The following FOCAD variants were observed in gnomAD, a reference collection of about 807,000 sequenced individuals.
FOCAD encodes KIAA1797.
Under a neutral mutation model 225.6 loss-of-function variants are expected in FOCAD, and 198 were observed. That is an observed-to-expected ratio of 0.88 (90% confidence interval 0.78 to 0.99). The LOEUF is 0.99. FOCAD is among the 50% of genes least tolerant of loss of function. The pLI, the probability that FOCAD is intolerant of heterozygous loss-of-function variation, is 0.00. For synonymous variants in FOCAD, 897 were observed against 755.0 expected (o/e 1.19, Z -3.08); for missense variants, 2,713 against 2,123.6 (o/e 1.28, Z -5.46).
At chr9:20,727,020 G>C (rs1158349009) in intron 4 of FOCAD, among the ~76,000 whole-genome samples, 1 of 152,038 alleles carries the variant, frequency 6.6e-6, no homozygotes. Context: ...ATTTGATGTG[G>C]TTTCAAGGTT....
At chr9:20,676,411 T>C (rs1268343418) in intron 2 of FOCAD, among the ~76,000 whole-genome samples, 1 of 152,256 alleles carries the variant, frequency 6.6e-6, no homozygotes, top group Non-Finnish European at 1.5e-5. Context: ...ATTACTGTTA[T>C]TGAACATGAG....
chr9:20,937,118 A>C (rs999899842), intron 28 of FOCAD, among the ~76,000 whole-genome samples: 20 of 150,892 alleles, frequency 1.3e-4, no homozygotes, highest in Admixed American at 6.6e-5. Context: ...GCTCATGGGT[A>C]GGAAGAATCA....
chr9:20,920,132 C>G (rs960602100), intron 24 of FOCAD, among the ~76,000 whole-genome samples: 7 of 152,096 alleles, frequency 4.6e-5, no homozygotes, highest in African/African-American at 9.7e-5. Context: ...AACAGACAAC[C>G]CCATCAACAA....
rs192755533 is a variant in FOCAD at position 20,978,110 on chromosome 9, C to G, written c.4262-229C>G. Among the ~76,000 whole-genome samples the G allele has an allele frequency of 2.5e-3, 384 of 152,260 alleles. 1 individual carries two copies. The highest frequency in any genetic ancestry group is 0.017 in the Middle Eastern group (5 of 294). On this transcript the variant is annotated intron_variant, in intron 36 of 43. Coordinates refer to ENST00000338382, the MANE Select transcript of FOCAD (RefSeq NM_001375567.1). ...CTCTGGATATCATAAGAGAAATTCC[C>G]ATATCTAGTTCAAGCCCATTGCTAG...
At chr9:20,742,134 G>A (rs565528488) in intron 5 of FOCAD, among the ~76,000 whole-genome samples, 1 of 152,132 alleles carries the variant, frequency 6.6e-6, no homozygotes, top group South Asian at 2.1e-4. Context: ...CCCCTCTCAG[G>A]GAAGTATTTT....
intron 42 of FOCAD, among the ~76,000 whole-genome samples, chr9:20,992,460 C>G (rs906012221): frequency 4.6e-5 from 7 of 152,170 alleles, no homozygotes; most frequent in Non-Finnish European, 1.0e-4. Flanking sequence ...AAGCTGCACA[C>G]AGAACCAGGT....
intron 29 of FOCAD, 119 bp downstream of exon 29, chr9:20,944,893 A>C (rs961892161): frequency 3.5e-5 from 38 of 1,099,418 alleles, no homozygotes; most frequent in Non-Finnish European, 4.5e-5. Context: ...TCAAAGAGAA[A>C]ATCTGAATGA....
At chr9:20,670,463 G>A (rs989310270) in intron 2 of FOCAD, among the ~76,000 whole-genome samples, 2 of 152,166 alleles carry the variant, frequency 1.3e-5, no homozygotes, top group Non-Finnish European at 2.9e-5. Flanking sequence ...CATAGTAGAA[G>A]GTGAAGGGGA....
chr9:20,986,445 T>C lies in FOCAD; in HGVS notation c.4886T>C (p.Ile1629Thr), dbSNP rs140081009. The C allele has an allele frequency of 8.7e-6, 14 of 1,611,536 alleles. No individual in the cohort carries two copies. The African/African-American group carries it at 1.7e-4, about 20-fold the overall frequency. The stretch of plus-strand genomic sequence containing the variant: ...CTGCACAGCTTATACCAGGCACGGA[T>C]TGTGAGCCATGCCAATACGGGTGAG... ...MILHSLYQAR[I>T]VSHANTGVLK... The change falls in exon 40 of 44, where the codon ATT (isoleucine) becomes ACT (threonine). Residue 1629 changes from isoleucine to threonine, a missense_variant. Coordinates refer to ENST00000338382, the MANE Select transcript of FOCAD (RefSeq NM_001375567.1).
At chr9:20,729,453 A>C (rs956364605) in intron 4 of FOCAD, among the ~76,000 whole-genome samples, 1 of 152,168 alleles carries the variant, frequency 6.6e-6, no homozygotes, top group Admixed American at 6.5e-5. Context: ...GGATGATCTC[A>C]TCCCAAGATA....
chr9:20,705,718 A>C (rs1378226425), intron 1 of FOCAD, among the ~76,000 whole-genome samples: 2 of 151,828 alleles, frequency 1.3e-5, no homozygotes, highest in Non-Finnish European at 2.9e-5. Flanking sequence ...TAAAAATTAT[A>C]ATATTGGAAA....
chr9:20,984,543 T>G (rs1036990325), intron 39 of FOCAD, among the ~76,000 whole-genome samples: 29 of 152,272 alleles, frequency 1.9e-4, no homozygotes, highest in Admixed American at 2.0e-4. Context: ...GCATAAAAAT[T>G]TAGTGAGAAA....
chr9:20,724,651 T>G (rs1486523869), intron 4 of FOCAD, among the ~76,000 whole-genome samples: 1 of 152,136 alleles, frequency 6.6e-6, no homozygotes, highest in Non-Finnish European at 1.5e-5. Flanking sequence ...AAACGTAATT[T>G]TCTTCATTTG....
intron 11 of FOCAD, among the ~76,000 whole-genome samples, chr9:20,807,467 A>G (rs1441149569): frequency 6.6e-6 from 1 of 152,286 alleles, no homozygotes; most frequent in African/African-American, 2.4e-5. Context: ...AGTGAACACA[A>G]ATAGGTGAAA....
intron 15 of FOCAD, among the ~76,000 whole-genome samples, chr9:20,845,292 A>G (rs1826966063): frequency 6.6e-6 from 1 of 151,912 alleles, no homozygotes; most frequent in Admixed American, 6.6e-5. Flanking sequence ...TCCAGATATA[A>G]CTCTGATAAT....
At position 20,719,778 on chromosome 9, in the gene FOCAD, CTTTTTTTTTTT is replaced by C. The variant is rs34384301; in HGVS notation, c.133-588_133-578del. On this transcript the variant is annotated intron_variant, in intron 3 of 43. Coordinates refer to ENST00000338382, the MANE Select transcript of FOCAD (RefSeq NM_001375567.1). The stretch of plus-strand genomic sequence containing the variant: ...TTCTTGGGCAAACAGTTTTCCTAGG[CTTTTTTTTTTT>C]TTTTTTTTTTTTTGGTAGCCATGGA... Among the ~76,000 whole-genome samples the C allele has an allele frequency of 9.3e-3, 578 of 62,174 alleles. 1 individual carries two copies. Among genetic ancestry groups the C allele is most frequent in the Middle Eastern group, 0.025 (1 of 40 alleles). 40.8% of individuals were successfully genotyped at this position (62,174 alleles called of 152,430 possible). A position where few individuals can be genotyped will look rare whatever the true frequency, so the allele number is the denominator to read the frequency against.
chr9:20,838,555 C>T (rs1376275378), intron 15 of FOCAD, among the ~76,000 whole-genome samples: 1 of 152,108 alleles, frequency 6.6e-6, no homozygotes, highest in African/African-American at 2.4e-5. Flanking sequence ...GACCTTATTT[C>T]ATTTATGCTA....
intron 2 of FOCAD, 64 bp downstream of exon 2, chr9:20,715,474 G>A (rs922743978): frequency 4.8e-6 from 4 of 829,212 alleles, no homozygotes; most frequent in Admixed American, 3.3e-5. Context: ...ATTTTTAACT[G>A]AACTTTATAT....
intron 11 of FOCAD, among the ~76,000 whole-genome samples, chr9:20,807,608 T>C (rs1307284419): frequency 6.6e-6 from 1 of 152,236 alleles, no homozygotes; most frequent in African/African-American, 2.4e-5. Context: ...CTGGTATGTA[T>C]TTTACACCCA....
Sources: gnomAD v4.1 joint callset for allele counts (sites outside exome capture counted in the v4.1 genomes callset) on GRCh38, gnomAD v4.1.1 for gene constraint, MANE v1.5 for transcripts, NCBI Gene and HGNC (gene_info 2026-07-23, HGNC 2026-07-21) for gene names.